The following MYT1L variants were observed in gnomAD, a reference collection of about 807,000 sequenced individuals.
MYT1L encodes myelin transcription factor 1 like.
A neutral mutation model predicts 126.7 loss-of-function variants in MYT1L; 12 were observed. The ratio of observed to expected loss-of-function variants is 0.09; its 90% CI spans 0.06 to 0.15. The LOEUF is 0.15. Among genes scored for constraint, MYT1L ranks in the 10% least tolerant of loss-of-function variants. The pLI is 1.00. For missense variants in MYT1L, 979 were observed against 1,585.2 expected (o/e 0.62, Z 6.49); for synonymous variants, 541 against 604.2 (o/e 0.90, Z 1.53).
At chr2:1,880,160 C>T (rs1169725162) in intron 18 of MYT1L, among the ~76,000 whole-genome samples, 1 of 152,126 alleles carries the variant, frequency 6.6e-6, no homozygotes. Flanking sequence ...TTAAGGCAAA[C>T]AGATCAATTT....
At chr2:2,141,884 T>C (rs750285462) in intron 3 of MYT1L, among the ~76,000 whole-genome samples, 19 of 152,154 alleles carry the variant, frequency 1.2e-4, no homozygotes, top group Non-Finnish European at 2.4e-4. Flanking sequence ...GAAACTTCTA[T>C]GTAGGGAGAC....
At chr2:2,292,396 T>TA (rs1185324519) in intron 1 of MYT1L, among the ~76,000 whole-genome samples, 1 of 152,216 alleles carries the variant, frequency 6.6e-6, no homozygotes. Context: ...ACAAAAGACT[T>TA]ACGGTTGGCT....
At chr2:1,982,735 G>A (rs1379401752) in intron 5 of MYT1L, among the ~76,000 whole-genome samples, 3 of 152,156 alleles carry the variant, frequency 2.0e-5, no homozygotes, top group Admixed American at 6.5e-5. Flanking sequence ...CTTCAGTAGG[G>A]CACAGAATTC....
rs541708930 is a variant in MYT1L, at chr2:1,793,928, C to T, written c.3277-1464G>A. On this transcript the variant is annotated intron_variant, in intron 23 of 24. Transcript: ENST00000647738. This position sits in a 1 kb window ranked among gnomAD's most constrained non-coding sequence, Gnocchi z 4.6. ...CGTGCCCGGTGCTTGTCTTCCAGAG[C>T]GTTCTGTAGCCCTTCCTGGGTGGCC... Among the ~76,000 whole-genome samples, 7 of 152,306 alleles carry T rather than the reference C, an allele frequency of 4.6e-5. No individual in the cohort carries two copies. Among genetic ancestry groups the T allele is most frequent in the African/African-American group, 1.2e-4 (5 of 41,584 alleles).
intron 10 of MYT1L, among the ~76,000 whole-genome samples, chr2:1,920,702 C>T (rs2053458090): frequency 6.6e-6 from 1 of 152,192 alleles, no homozygotes; most frequent in Non-Finnish European, 1.5e-5. Context: ...CTCAAAAATT[C>T]AACTAAAAAT....
intron 3 of MYT1L, among the ~76,000 whole-genome samples, chr2:2,086,623 TC>T (rs1182430717): frequency 2.0e-5 from 3 of 152,118 alleles, no homozygotes; most frequent in Non-Finnish European, 4.4e-5. Flanking sequence ...TAGCTGAAGG[TC>T]CCTGGCTTCT....
At chr2:2,007,493 C>T (rs2063445712) in intron 4 of MYT1L, among the ~76,000 whole-genome samples, 1 of 152,178 alleles carries the variant, frequency 6.6e-6, no homozygotes, top group African/African-American at 2.4e-5. Context: ...CAATATTTAA[C>T]AGGGAAAACT....
At chr2:2,187,704 G>A (rs2092311968) in intron 2 of MYT1L, among the ~76,000 whole-genome samples, 1 of 152,018 alleles carries the variant, frequency 6.6e-6, no homozygotes, top group Non-Finnish European at 1.5e-5. Flanking sequence ...ATTCAACACA[G>A]GTATACCTAC....
chr2:1,831,857 C>A (rs73913424), intron 21 of MYT1L, among the ~76,000 whole-genome samples: 5,945 of 152,172 alleles, frequency 0.039, 390 homozygotes, highest in African/African-American at 0.14. Flanking sequence ...TCCCCCTGGA[C>A]CCCTGAGTCC....
At chr2:2,004,039 A>ATGCG (rs2062753124) in intron 4 of MYT1L, among the ~76,000 whole-genome samples, 1 of 123,610 alleles carries the variant, frequency 8.1e-6, no homozygotes, top group Non-Finnish European at 1.7e-5. Context: ...TCCTGCATGC[A>ATGCG]TTCTTTCCTG....
intron 1 of MYT1L, among the ~76,000 whole-genome samples, chr2:2,318,837 G>A (rs774265856): frequency 1.3e-5 from 2 of 152,128 alleles, no homozygotes; most frequent in Non-Finnish European, 2.9e-5. Context: ...CCATTTTTAA[G>A]CAAAGACATG....
chr2:1,811,879 G>A lies in MYT1L; in HGVS notation c.3081-2712C>T, dbSNP rs1363052089. Among the ~76,000 whole-genome samples the A allele has an allele frequency of 1.3e-5, 2 of 152,142 alleles. No homozygotes were observed. Among genetic ancestry groups the A allele is most frequent in the African/African-American group, 2.4e-5 (1 of 41,434 alleles). On this transcript the variant is annotated intron_variant, in intron 21 of 24. Coordinates refer to ENST00000647738, the MANE Select transcript of MYT1L (RefSeq NM_001303052.2). The surrounding 1 kb of genome is among the most constrained non-coding windows in gnomAD (Gnocchi z 4.4). ...CCTCCCCATCAGATCCCAGCAGGAC[G>A]CCCTGCAAATCCGGCTGGGGTGGGG...
At chr2:1,875,240 C>A (rs1189804590) in intron 18 of MYT1L, among the ~76,000 whole-genome samples, 1 of 152,046 alleles carries the variant, frequency 6.6e-6, no homozygotes, top group Non-Finnish European at 1.5e-5. Context: ...ACAGTGACAT[C>A]CTGAGGCGGG....
chr2:1,897,356 C>CT (rs1261147068), intron 14 of MYT1L, among the ~76,000 whole-genome samples: 1 of 152,214 alleles, frequency 6.6e-6, no homozygotes, highest in African/African-American at 2.4e-5. Context: ...TGAGGGTGCT[C>CT]TGTTCCCCCT....
intron 14 of MYT1L, among the ~76,000 whole-genome samples, chr2:1,900,595 G>A (rs2050213688): frequency 6.6e-6 from 1 of 152,040 alleles, no homozygotes. Flanking sequence ...CCCCTCGCCC[G>A]GCCAGGAGGC....
rs929328725 is a variant in MYT1L, at chr2:2,222,074, A to G, written c.-420-49086T>C. 2.6e-5 allele frequency among the ~76,000 whole-genome samples: 4 copies of G among 152,160 alleles called. No individual in the cohort carries two copies. In the East Asian group the frequency reaches 5.8e-4, roughly 22 times the overall value. The stretch of plus-strand genomic sequence containing the variant: ...TTAATTGGTAAATCCATTTTTCTAC[A>G]CTTTCATAGGTAGAACTATTTTTTC... On this transcript the variant is annotated intron_variant, in intron 2 of 24. Transcript: ENST00000647738.
chr2:2,053,775 T>C (rs868293942), intron 4 of MYT1L, among the ~76,000 whole-genome samples: 4 of 152,232 alleles, frequency 2.6e-5, no homozygotes, highest in Non-Finnish European at 5.9e-5. Context: ...TGAGTCTATG[T>C]TTACCAAGAG....
intron 2 of MYT1L, among the ~76,000 whole-genome samples, chr2:2,209,161 T>C (rs2093417514): frequency 1.3e-5 from 2 of 152,208 alleles, no homozygotes; most frequent in South Asian, 4.1e-4. Context: ...ACATGAGACA[T>C]TTTTATACAG....
intron 4 of MYT1L, among the ~76,000 whole-genome samples, chr2:2,043,206 T>C (rs756634090): frequency 3.3e-5 from 5 of 152,168 alleles, no homozygotes; most frequent in Non-Finnish European, 5.9e-5. Context: ...TCCTCCAAAA[T>C]TGAGGACTCT....
Sources: allele counts gnomAD v4.1 joint callset (sites outside exome capture counted in the v4.1 genomes callset), GRCh38; gene constraint gnomAD v4.1.1; non-coding constraint Gnocchi (gnomAD v3.1); transcripts MANE v1.5; gene names NCBI Gene and HGNC (gene_info 2026-07-23, HGNC 2026-07-21).